ABI3BP: variants seen among roughly 807,000 people sequenced by gnomAD.
The protein encoded by ABI3BP is target of Nesh-SH3.
In ABI3BP, 216 loss-of-function variants were observed where a neutral mutation model predicts 268.6. The ratio of observed to expected loss-of-function variants is 0.80; its 90% confidence interval spans 0.72 to 0.90. ABI3BP has a LOEUF of 0.90. Among genes scored for constraint, ABI3BP ranks in the 40% least tolerant of loss-of-function variants. ABI3BP has a pLI of 0.00. For missense variants in ABI3BP, 2,090 were observed against 2,182.4 expected (o/e 0.96, Z 0.84); for synonymous variants, 730 against 730.0 (o/e 1.00, Z 0.00).
intron 22 of ABI3BP, 33 bp downstream of exon 22, chr3:100,840,787 G>T: frequency 6.6e-7 from 1 of 1,519,164 alleles, no homozygotes; most frequent in Non-Finnish European, 8.8e-7. Flanking sequence ...AGGAAAAGAA[G>T]AAACAAAGGT....
intron 6 of ABI3BP, among the ~76,000 whole-genome samples, chr3:100,882,460 A>ATAT (rs1554053818): frequency 2.0e-4 from 29 of 148,704 alleles, no homozygotes; most frequent in African/African-American, 3.9e-4. Context: ...ATATATATAT[A>ATAT]TTTTTTTTGC....
At chr3:100,954,544 A>G (rs1272538695) in intron 1 of ABI3BP, among the ~76,000 whole-genome samples, 1 of 152,184 alleles carries the variant, frequency 6.6e-6, no homozygotes, top group Non-Finnish European at 1.5e-5. Flanking sequence ...TTGCTGTTAT[A>G]ATTTATTTAA....
At chr3:100,872,902 T>C (rs1443589185) in intron 9 of ABI3BP, among the ~76,000 whole-genome samples, 2 of 152,168 alleles carry the variant, frequency 1.3e-5, no homozygotes, top group Admixed American at 6.5e-5. Flanking sequence ...TATTTTAAAG[T>C]AAAAATATAA....
chr3:100,993,177 T>G (rs1270047179), intron 1 of ABI3BP, 129 bp downstream of exon 1: 17 of 642,792 alleles, frequency 2.6e-5, no homozygotes, highest in Non-Finnish European at 3.8e-5. Flanking sequence ...TTCACACATT[T>G]GAACTTTGAA....
rs535430220 is a variant in ABI3BP, at chr3:100,808,059, G to A, written c.3682+102C>T. 2.8e-4 allele frequency: 287 copies of A among 1,017,452 alleles called. 1 individual carries two copies. Among genetic ancestry groups the A allele is most frequent in the African/African-American group, 1.9e-3 (121 of 62,204 alleles). The allele number at this position is 1,017,452 out of a possible 1,614,324, so 63.0% of individuals were successfully genotyped here. ...ACAGAGGAAGACTTGTTTTACAAGT[G>A]TTAAAGACTCAATCTGCTATCATAA... On this transcript the variant is annotated intron_variant, in intron 50 of 67. Coordinates refer to ENST00000471714, the MANE Select transcript of ABI3BP (RefSeq NM_001375547.2).
intron 4 of ABI3BP, among the ~76,000 whole-genome samples, chr3:100,887,687 A>C (rs1461118467): frequency 2.0e-5 from 3 of 152,052 alleles, no homozygotes; most frequent in African/African-American, 7.2e-5. Flanking sequence ...TCCACTCCTT[A>C]CATCAGCAAA....
intron 66 of ABI3BP, 56 bp downstream of exon 66, chr3:100,752,731 C>T: frequency 6.3e-7 from 1 of 1,579,520 alleles, no homozygotes; most frequent in Non-Finnish European, 8.6e-7. Flanking sequence ...TTGTACAATG[C>T]TGCAAAACAT....
chr3:100,950,089 G>C (rs1325516698), intron 1 of ABI3BP, among the ~76,000 whole-genome samples: 1 of 151,948 alleles, frequency 6.6e-6, no homozygotes, highest in African/African-American at 2.4e-5. Flanking sequence ...TTTATCCTTG[G>C]GTTCTTTTTC....
chr3:100,804,753 T>C (rs1209491789), intron 51 of ABI3BP, 39 bp downstream of exon 51: 1 of 1,556,082 alleles, frequency 6.4e-7, no homozygotes, highest in African/African-American at 1.4e-5. Flanking sequence ...AGTGGGACAG[T>C]AGAATGCATT....
chr3:100,892,598 G>A (rs2045257828), intron 4 of ABI3BP, among the ~76,000 whole-genome samples: 1 of 152,148 alleles, frequency 6.6e-6, no homozygotes, highest in South Asian at 2.1e-4. Context: ...TTCAACCCTG[G>A]AAGTCATTTA....
At chr3:100,792,873 G>T in intron 54 of ABI3BP, 105 bp from the exon 55 acceptor site, 1 of 932,646 alleles carries the variant, frequency 1.1e-6, no homozygotes, top group Non-Finnish European at 1.7e-6. Context: ...AAAAGGATAA[G>T]TTGCATTTAG....
At chr3:100,792,533 A>G (rs1225330354) in intron 55 of ABI3BP, among the ~76,000 whole-genome samples, 158 bp downstream of exon 55, 2 of 151,870 alleles carry the variant, frequency 1.3e-5, no homozygotes, top group African/African-American at 4.8e-5. Context: ...TGATATTCAT[A>G]TGAGTATTCA....
At chr3:100,753,318 G>A (rs1237919424) in intron 65 of ABI3BP, among the ~76,000 whole-genome samples, 3 of 139,056 alleles carry the variant, frequency 2.2e-5, no homozygotes, top group African/African-American at 8.1e-5. Context: ...TTTTTTTTTT[G>A]AGACAGGATC....
Position 100,821,262 on chromosome 3 carries a change from AGTT to A in ABI3BP, c.2888-152_2888-150del, listed in dbSNP as rs1339162006. ...AACTGTTAAAACTAAAAAAGTAGAC[AGTT>A]GATTTCCTAAAATTTGACTATACCT... On this transcript the variant is annotated intron_variant, in intron 38 of 67. Transcript: ENST00000471714. 8.2e-5 allele frequency: 55 copies of A among 673,926 alleles called. 2 individuals carry two copies. In the South Asian group the frequency reaches 1.1e-3, roughly 14 times the overall value. 41.7% of individuals were successfully genotyped at this position (673,926 alleles called of 1,614,324 possible).
intron 1 of ABI3BP, among the ~76,000 whole-genome samples, chr3:100,954,998 T>C (rs1218625271): frequency 3.2e-5 from 1 of 31,480 alleles, no homozygotes; most frequent in Admixed American, 3.0e-4. Flanking sequence ...TTTTTTTTTT[T>C]TTACGAATCA....
intron 1 of ABI3BP, among the ~76,000 whole-genome samples, chr3:100,940,579 C>T (rs1335617340): frequency 3.3e-5 from 5 of 150,760 alleles, no homozygotes; most frequent in Admixed American, 1.3e-4. Flanking sequence ...CCTACCATTC[C>T]GACCTTTCCT....
rs189435169 is a variant in ABI3BP at position 100,835,609 on chromosome 3, G to C, written c.2183C>G (p.Thr728Arg). ...PVTVRTEATV[T>R]TLAPKTSQRT... Reference sequence around the variant, plus strand: ...ACATAAGAGGTCATTACCTAATGTTGTCACTGTAGCCTCAGTTCTCACAGT... The same window carrying C: ...ACATAAGAGGTCATTACCTAATGTTCTCACTGTAGCCTCAGTTCTCACAGT... The change falls in exon 28 of 68, where the codon ACA becomes AGA. Residue 728 changes from threonine to arginine, a missense_variant. Coordinates refer to ENST00000471714, the MANE Select transcript of ABI3BP (RefSeq NM_001375547.2). 6.5e-7 allele frequency: 1 copy of C among 1,534,746 alleles called. No individual in the cohort carries two copies. The highest frequency in any genetic ancestry group is 2.4e-5 in the East Asian group (1 of 40,850).
In ABI3BP at chr3:100,816,782, C is replaced by T. The variant is rs1264506787; in HGVS notation, c.3149-14G>A. ...GTGTTTTAGGAGCTGAAGGAAGAAA[C>T]TTTGGATTACTCTAGTGCAGGTGGC... is the stretch of plus-strand genomic sequence containing the variant. On this transcript the variant is annotated splice_polypyrimidine_tract_variant and intron_variant, in intron 42 of 67. Transcript: ENST00000471714. The T allele has an allele frequency of 6.5e-7, 1 of 1,534,936 alleles. No homozygotes were observed. Among genetic ancestry groups the T allele is most frequent in the Non-Finnish European group, 8.7e-7 (1 of 1,145,902 alleles).
intron 64 of ABI3BP, among the ~76,000 whole-genome samples, chr3:100,754,202 A>G (rs893177524): frequency 2.0e-5 from 3 of 152,232 alleles, no homozygotes; most frequent in Admixed American, 6.5e-5. Context: ...TGGTATAAAA[A>G]TTATGCAAAT....
Sources: allele counts gnomAD v4.1 joint callset (sites outside exome capture counted in the v4.1 genomes callset), GRCh38; gene constraint gnomAD v4.1.1; transcripts MANE v1.5; gene names NCBI Gene and HGNC (gene_info 2026-07-23, HGNC 2026-07-21).